The following TRAF2 variants were observed in gnomAD, a reference collection of about 807,000 sequenced individuals.
The protein encoded by TRAF2 is TNF receptor associated factor 2, also known as TNF receptor-associated factor 2.
TRAF2 carries 6 observed loss-of-function variants against 55.6 expected under a neutral mutation model. The observed-to-expected ratio is 0.11, with a 90% CI of 0.06 to 0.21. The LOEUF is 0.21. Among genes scored for constraint, TRAF2 ranks in the 10% least tolerant of loss-of-function variants. The pLI is 1.00. For missense variants in TRAF2, 561 were observed against 684.5 expected (o/e 0.82, Z 2.01); for synonymous variants, 329 against 276.3 (o/e 1.19, Z -1.89).
chr9:136,923,293 G>A (rs866167436), intron 9 of TRAF2, among the ~76,000 whole-genome samples: 2 of 152,084 alleles, frequency 1.3e-5, no homozygotes, highest in African/African-American at 4.8e-5. Context: ...TTAAGTTTTG[G>A]GGGTTACATT....
At chr9:136,900,966 T>C (rs530070775) in intron 4 of TRAF2, among the ~76,000 whole-genome samples, 88 of 152,292 alleles carry the variant, frequency 5.8e-4, no homozygotes, top group Non-Finnish European at 9.8e-4. Context: ...TTGTTGTGTC[T>C]CTTGTATCCA....
At chr9:136,920,201 G>A (rs745566873) in intron 7 of TRAF2, 33 bp from the exon 8 acceptor site, 1 of 1,572,894 alleles carries the variant, frequency 6.4e-7, no homozygotes, top group Admixed American at 1.7e-5. Context: ...AATGGTGGAT[G>A]GAGCCAGCAG....
chr9:136,913,865 C>T (rs1485966860), intron 6 of TRAF2, among the ~76,000 whole-genome samples: 2 of 152,084 alleles, frequency 1.3e-5, no homozygotes, highest in Non-Finnish European at 2.9e-5. Flanking sequence ...GCTCCCAGGG[C>T]TTGGTCGGGT....
chr9:136,918,247 A>G (rs1352191506), intron 7 of TRAF2, among the ~76,000 whole-genome samples: 1 of 46,680 alleles, frequency 2.1e-5, no homozygotes, highest in Non-Finnish European at 3.8e-5. Flanking sequence ...ATATATATAT[A>G]TATATATATA....
At chr9:136,901,467 A>T (rs1179822546) in intron 4 of TRAF2, among the ~76,000 whole-genome samples, 1 of 152,222 alleles carries the variant, frequency 6.6e-6, no homozygotes, top group East Asian at 1.9e-4. Context: ...CACCCCAGGG[A>T]TGAACTCTGA....
rs191410023 is a variant in TRAF2, at chr9:136,887,679, G to A, written c.-29+1138G>A. Among the ~76,000 whole-genome samples, 27 of 152,260 alleles carry A rather than the reference G, an allele frequency of 1.8e-4. No individual in the cohort carries two copies. In the East Asian group the frequency reaches 5.0e-3, roughly 28 times the overall value. ...AACTCAGTCTCTCTCCCTGTTAATA[G>A]CCCTAGTTTTTAATAAGAGGAACTG... On this transcript the variant is annotated intron_variant, in intron 1 of 10. Transcript: ENST00000247668.
rs116343869 is a variant in TRAF2, at chr9:136,897,710, C to T, written c.-28-1003C>T. Among the ~76,000 whole-genome samples, 1,293 of 138,526 alleles carry T rather than the reference C, an allele frequency of 9.3e-3. 30 individuals carry two copies. The highest frequency in any genetic ancestry group is 0.034 in the African/African-American group (1,217 of 35,630). The allele number at this position is 138,526 out of a possible 152,430, so 90.9% of individuals were successfully genotyped here. On this transcript the variant is annotated intron_variant, in intron 1 of 10. Coordinates refer to ENST00000247668, the MANE Select transcript of TRAF2 (RefSeq NM_021138.4). ...TAGCTAAAGGGAATGCACTAGGCAG[C>T]CCCAGGTGTGCTACGTTCCCGCTCT...
upstream of TRAF2, among the ~76,000 whole-genome samples, chr9:136,883,313 C>T (rs138745468): frequency 8.6e-4 from 131 of 152,284 alleles, no homozygotes; most frequent in Non-Finnish European, 1.6e-3. Context: ...TACCTGCTCT[C>T]GAGGGCTGTG....
intron 6 of TRAF2, among the ~76,000 whole-genome samples, chr9:136,910,996 T>C (rs1030468568): frequency 2.0e-4 from 30 of 152,312 alleles, no homozygotes; most frequent in African/African-American, 7.0e-4. Context: ...GGGGCCCGTG[T>C]CTGTGAGGCT....
rs560023146 is a variant in TRAF2, at chr9:136,899,034, T to C, written c.188+106T>C. ...CCAGCAGAGCCGGGTCCAGCTTAGA[T>C]GTGCTCCAGTTATCGATACTCCCTG... On this transcript the variant is annotated intron_variant, in intron 2 of 10. Transcript: ENST00000247668. 123 of 1,128,668 alleles carry C rather than the reference T, an allele frequency of 1.1e-4. No homozygotes were observed. The East Asian group carries it at 2.1e-3, about 19-fold the overall frequency. The allele number at this position is 1,128,668 out of a possible 1,614,324, so 69.9% of individuals were successfully genotyped here. A position where few individuals can be genotyped will look rare whatever the true frequency, so the allele number is the denominator to read the frequency against.
intron 9 of TRAF2, 58 bp downstream of exon 9, chr9:136,921,273 C>G: frequency 6.2e-7 from 1 of 1,601,834 alleles, no homozygotes; most frequent in Non-Finnish European, 8.5e-7. Context: ...ACCTGGGTCC[C>G]CTCACCCCTG....
At chr9:136,896,382 G>A (rs1849680184) in intron 1 of TRAF2, among the ~76,000 whole-genome samples, 1 of 152,230 alleles carries the variant, frequency 6.6e-6, no homozygotes, top group South Asian at 2.1e-4. Flanking sequence ...ACCGGCCCTG[G>A]TTCCGGGTGT....
intron 4 of TRAF2, among the ~76,000 whole-genome samples, chr9:136,903,612 G>A (rs1849874062): frequency 1.3e-5 from 2 of 151,538 alleles, no homozygotes; most frequent in Non-Finnish European, 2.9e-5. Flanking sequence ...AGATGTATCT[G>A]CTGCAGGACA....
upstream of TRAF2, among the ~76,000 whole-genome samples, chr9:136,883,873 G>A (rs1588410696): frequency 1.3e-5 from 2 of 148,170 alleles, no homozygotes; most frequent in Non-Finnish European, 3.0e-5. Flanking sequence ...CCAGGCTGGA[G>A]TGTAGTGGCG....
At chr9:136,908,915 G>A (rs1276829764) in intron 5 of TRAF2, among the ~76,000 whole-genome samples, 1 of 147,184 alleles carries the variant, frequency 6.8e-6, no homozygotes, top group Non-Finnish European at 1.5e-5. Flanking sequence ...GCGAGTGCCT[G>A]TAATTCCAGC....
In TRAF2 at chr9:136,925,924, G is replaced by A. The variant is rs1412086389; in HGVS notation, c.*23G>A. On this transcript the variant is annotated 3_prime_UTR_variant, in exon 11 of 11. Coordinates refer to ENST00000247668, the MANE Select transcript of TRAF2 (RefSeq NM_021138.4). ...TAACTGCCCCCTACTGGTGTCTGGG[G>A]GTTGGGGGCAGCCAGGCACAGCCGG... 1 of 1,613,024 alleles carries A rather than the reference G, an allele frequency of 6.2e-7. No homozygotes were observed. Among genetic ancestry groups the A allele is most frequent in the African/African-American group, 1.3e-5 (1 of 75,050 alleles).
chr9:136,920,605 C>T, intron 8 of TRAF2, 90 bp downstream of exon 8: 1 of 1,437,060 alleles, frequency 7.0e-7, no homozygotes, highest in East Asian at 2.5e-5. Context: ...GGTCCTGGAG[C>T]TTTAGAGCCC....
rs376801177 is a variant in TRAF2, at chr9:136,898,880, C to T, written c.140C>T (p.Ala47Val). The T allele has an allele frequency of 3.7e-5, 60 of 1,612,870 alleles. 1 individual carries two copies. Among genetic ancestry groups the T allele is most frequent in the South Asian group, 2.3e-4 (21 of 90,968 alleles). The change falls in exon 2 of 11, where the codon GCG becomes GTG. Residue 47 changes from alanine (A) to valine (V), a missense_variant. Coordinates refer to ENST00000247668, the MANE Select transcript of TRAF2 (RefSeq NM_021138.4). The stretch of plus-strand genomic sequence containing the variant: ...AACGTCCTCCGCAGGCCCTTCCAGG[C>T]GCAGTGTGGCCACCGGTACTGCTCC... ...CRNVLRRPFQ[A>V]QCGHRYCSFC...
At chr9:136,923,162 C>T (rs975980304) in intron 9 of TRAF2, among the ~76,000 whole-genome samples, 4 of 152,198 alleles carry the variant, frequency 2.6e-5, no homozygotes, top group Non-Finnish European at 4.4e-5. Flanking sequence ...GCCAGTGCCT[C>T]TTCTGAGGCA....
Sources: gnomAD v4.1 joint callset for allele counts (sites outside exome capture counted in the v4.1 genomes callset) on GRCh38, gnomAD v4.1.1 for gene constraint, MANE v1.5 for transcripts, NCBI Gene and HGNC (gene_info 2026-07-23, HGNC 2026-07-21) for gene names.